The following TNNC1 variants were observed in gnomAD, a reference collection of about 807,000 sequenced individuals.
TNNC1 encodes the protein troponin C, slow skeletal and cardiac muscles.
Under a neutral mutation model 19.6 loss-of-function variants are expected in TNNC1, and 10 were observed. That is an observed-to-expected ratio of 0.51 (90% confidence interval 0.31 to 0.87). TNNC1 has a LOEUF of 0.87. TNNC1 is among the 40% of genes least tolerant of loss of function. TNNC1 has a pLI of 0.04. For missense variants in TNNC1, 115 were observed against 219.8 expected (o/e 0.52, Z 3.02); for synonymous variants, 85 against 80.1 (o/e 1.06, Z -0.33).
Position 52,452,412 on chromosome 3 carries a change from C to T in TNNC1, c.55+71G>A, listed in dbSNP as rs1159989284. 1.1e-5 allele frequency: 18 copies of T among 1,595,618 alleles called. No individual in the cohort carries two copies. Among genetic ancestry groups the T allele is most frequent in the Non-Finnish European group, 1.5e-5 (18 of 1,168,972 alleles). On this transcript the variant is annotated intron_variant, in intron 2 of 5. Transcript: ENST00000232975. This position sits in a 1 kb window ranked among gnomAD's most constrained non-coding sequence, Gnocchi z 5.2. Reference sequence around the variant, plus strand: ...AGCCTCTGGTCTCTGGCCTGGGGTCCTCTTCTGATAAGGGGTCCCCATGCC... The same window carrying T: ...AGCCTCTGGTCTCTGGCCTGGGGTCTTCTTCTGATAAGGGGTCCCCATGCC...
At position 52,452,621 on chromosome 3, in the gene TNNC1, T is replaced by A; in HGVS notation, c.25-108A>T. 8.1e-7 allele frequency: 1 copy of A among 1,236,058 alleles called. No homozygotes were observed. The highest frequency in any genetic ancestry group is 1.2e-6 in the Non-Finnish European group (1 of 857,284). The allele number at this position is 1,236,058 out of a possible 1,614,324, so 76.6% of individuals were successfully genotyped here. A position where few individuals can be genotyped will look rare whatever the true frequency, so the allele number is the denominator to read the frequency against. ...CTGGAGCTGGAGGAGGCAGGCTATT[T>A]CCAGGCCACAGAGTGGAGGTCTCAG... On this transcript the variant is annotated intron_variant, in intron 1 of 5. Coordinates refer to ENST00000232975, the MANE Select transcript of TNNC1 (RefSeq NM_003280.3). The surrounding 1 kb of genome is among the most constrained non-coding windows in gnomAD (Gnocchi z 5.2).
At position 52,451,506 on chromosome 3, in the gene TNNC1, G is replaced by T. The variant is rs1008677119; in HGVS notation, c.339C>A (p.Asp113Glu). The change falls in exon 5 of 6, where the codon GAC becomes GAA. Residue 113 changes from aspartate to glutamate, a missense_variant. Transcript: ENST00000232975. The surrounding 1 kb of genome is among the most constrained non-coding windows in gnomAD (Gnocchi z 4.8). ...MFDKNADGYI[D>E]LDELKIMLQA... ...GCAGCATTATCTTCAGCTCATCCAG[G>T]TCGATGTAGCCATCAGCATTTCTGT... 7.4e-6 allele frequency: 12 copies of T among 1,614,022 alleles called. No homozygotes were observed. The highest frequency in any genetic ancestry group is 9.3e-6 in the Non-Finnish European group (11 of 1,180,020).
Position 52,452,312 on chromosome 3 carries a change from CCA to C in TNNC1, c.56-62_56-61del. The C allele has an allele frequency of 6.2e-7, 1 of 1,602,578 alleles. No homozygotes were observed. Among genetic ancestry groups the C allele is most frequent in the Admixed American group, 1.7e-5 (1 of 59,988 alleles). On this transcript the variant is annotated intron_variant, in intron 2 of 5. Transcript: ENST00000232975. This position sits in a 1 kb window ranked among gnomAD's most constrained non-coding sequence, Gnocchi z 5.2. The stretch of plus-strand genomic sequence containing the variant: ...GCTCAGCAGCCAGGACCACGGAGGG[CCA>C]GAACCCTGGGGCCACCTGCCAACCT...
At position 52,451,496 on chromosome 3, in the gene TNNC1, G is replaced by A; in HGVS notation, c.349C>T (p.Leu117=). Residue 117 remains leucine (L), a synonymous_variant, in exon 5 of 6, where the codon CTG becomes TTG. Coordinates refer to ENST00000232975, the MANE Select transcript of TNNC1 (RefSeq NM_003280.3). The surrounding 1 kb of genome is among the most constrained non-coding windows in gnomAD (Gnocchi z 4.8). ...NADGYIDLDE[L]KIMLQATGET... is the part of the protein sequence containing the mutation. Reference sequence around the variant, plus strand: ...CCTGTAGCCTGCAGCATTATCTTCAGCTCATCCAGGTCGATGTAGCCATCA... The same window carrying A: ...CCTGTAGCCTGCAGCATTATCTTCAACTCATCCAGGTCGATGTAGCCATCA... The A allele has an allele frequency of 6.2e-7, 1 of 1,614,148 alleles. No individual in the cohort carries two copies. The highest frequency in any genetic ancestry group is 8.5e-7 in the Non-Finnish European group (1 of 1,180,014).
At position 52,451,287 on chromosome 3, in the gene TNNC1, C is replaced by T. The variant is rs770807038; in HGVS notation, c.474G>A (p.Lys158=). ...IDYDEFLEFM[K]GVE is the part of the protein sequence containing the mutation. The stretch of plus-strand genomic sequence containing the variant: ...TGAAGGTCAGCATCTACTCCACACC[C>T]TTCATGAACTCCAGGAACTCTGTGG... Residue 158 remains lysine, a synonymous_variant, in exon 6 of 6, where the codon AAG becomes AAA. Transcript: ENST00000232975. This position sits in a 1 kb window ranked among gnomAD's most constrained non-coding sequence, Gnocchi z 4.8. The T allele has an allele frequency of 2.7e-5, 43 of 1,613,992 alleles. No individual in the cohort carries two copies. Among genetic ancestry groups the T allele is most frequent in the Non-Finnish European group, 3.1e-5 (37 of 1,180,014 alleles).
rs760637468 is a variant in TNNC1 at position 52,451,267 on chromosome 3, G to A, written c.*8C>T. The A allele has an allele frequency of 9.3e-6, 15 of 1,613,964 alleles. No individual in the cohort carries two copies. Among genetic ancestry groups the A allele is most frequent in the Admixed American group, 5.0e-5 (3 of 59,998 alleles). ...TGGGCATAGGCAGCTCTGGGTGAAG[G>A]TCAGCATCTACTCCACACCCTTCAT... On this transcript the variant is annotated 3_prime_UTR_variant, in exon 6 of 6. Transcript: ENST00000232975. This position sits in a 1 kb window ranked among gnomAD's most constrained non-coding sequence, Gnocchi z 4.8.
At chr3:52,453,919 A>C in intron 1 of TNNC1, 73 bp downstream of exon 1, 7 of 1,533,390 alleles carry the variant, frequency 4.6e-6, no homozygotes, top group Non-Finnish European at 6.2e-6. Context: ...TGGGGCTACT[A>C]ACCCCGCACT....
Position 52,452,615 on chromosome 3 carries a change from G to A in TNNC1, c.25-102C>T. 2.3e-6 allele frequency: 3 copies of A among 1,285,284 alleles called. No homozygotes were observed. Among genetic ancestry groups the A allele is most frequent in the Non-Finnish European group, 2.2e-6 (2 of 901,062 alleles). 79.6% of individuals were successfully genotyped at this position (1,285,284 alleles called of 1,614,324 possible). On this transcript the variant is annotated intron_variant, in intron 1 of 5. Coordinates refer to ENST00000232975, the MANE Select transcript of TNNC1 (RefSeq NM_003280.3). This position sits in a 1 kb window ranked among gnomAD's most constrained non-coding sequence, Gnocchi z 5.2. ...AGAAGGCTGGAGCTGGAGGAGGCAG[G>A]CTATTTCCAGGCCACAGAGTGGAGG...
At chr3:52,453,645 C>G (rs1706361546) in intron 1 of TNNC1, among the ~76,000 whole-genome samples, 1 of 152,148 alleles carries the variant, frequency 6.6e-6, no homozygotes, top group Non-Finnish European at 1.5e-5. Flanking sequence ...GGGACTCAGA[C>G]AGCTCAGGAG....
Position 52,451,310 on chromosome 3 carries a change from T to C in TNNC1, c.455-4A>G. The C allele has an allele frequency of 1.9e-6, 3 of 1,613,794 alleles. No homozygotes were observed. Among genetic ancestry groups the C allele is most frequent in the East Asian group, 2.2e-5 (1 of 44,852 alleles). On this transcript the variant is annotated splice_polypyrimidine_tract_variant and splice_region_variant and intron_variant, in intron 5 of 5. Transcript: ENST00000232975. The surrounding 1 kb of genome is among the most constrained non-coding windows in gnomAD (Gnocchi z 4.8). The stretch of plus-strand genomic sequence containing the variant: ...CCCTTCATGAACTCCAGGAACTCTG[T>C]GGAAAGAGGGGCAGGTGTGGGTTGA...
rs397516845 is a variant in TNNC1 at position 52,451,458 on chromosome 3, C to G, written c.387G>C (p.Thr129=). Residue 129 remains threonine, a synonymous_variant, in exon 5 of 6, where the codon ACG becomes ACC. Transcript: ENST00000232975. The surrounding 1 kb of genome is among the most constrained non-coding windows in gnomAD (Gnocchi z 4.8). ...IMLQATGETI[T]EDDIEELMKD... The stretch of plus-strand genomic sequence containing the variant: ...TCATGAGCTCCTCGATGTCGTCCTC[C>G]GTGATGGTCTCGCCTGTAGCCTGCA... 9.2e-5 allele frequency: 148 copies of G among 1,614,152 alleles called. No individual in the cohort carries two copies. The South Asian group carries it at 1.6e-3, about 17-fold the overall frequency.
At position 52,452,963 on chromosome 3, in the gene TNNC1, T is replaced by G; in HGVS notation, c.25-450A>C. The G allele has an allele frequency of 4.1e-6, 1 of 246,714 alleles. No individual in the cohort carries two copies. Among genetic ancestry groups the G allele is most frequent in the Non-Finnish European group, 8.1e-6 (1 of 124,204 alleles). 15.3% of individuals were successfully genotyped at this position (246,714 alleles called of 1,614,324 possible). On this transcript the variant is annotated intron_variant, in intron 1 of 5. Coordinates refer to ENST00000232975, the MANE Select transcript of TNNC1 (RefSeq NM_003280.3). The surrounding 1 kb of genome is among the most constrained non-coding windows in gnomAD (Gnocchi z 5.2). Reference sequence around the variant, plus strand: ...AACCTGGTGATTGTTCTGGGGACTTTGGCATGCAGGGGGTGGGGCAGCGTT... The same window carrying G: ...AACCTGGTGATTGTTCTGGGGACTTGGGCATGCAGGGGGTGGGGCAGCGTT...
At position 52,452,870 on chromosome 3, in the gene TNNC1, C is replaced by T; in HGVS notation, c.25-357G>A. ...TGGGATAATAAAACCAGTGTGGAGG[C>T]AGGCAAGCCACCCACGGTAACCTGA... is the stretch of plus-strand genomic sequence containing the variant. On this transcript the variant is annotated intron_variant, in intron 1 of 5. Transcript: ENST00000232975. This position sits in a 1 kb window ranked among gnomAD's most constrained non-coding sequence, Gnocchi z 5.2. 1 of 395,142 alleles carries T rather than the reference C, an allele frequency of 2.5e-6. No individual in the cohort carries two copies. The highest frequency in any genetic ancestry group is 4.8e-6 in the Non-Finnish European group (1 of 209,720). 24.5% of individuals were successfully genotyped at this position (395,142 alleles called of 1,614,324 possible).
rs1559615617 is a variant in TNNC1 at position 52,451,365 on chromosome 3, G to A, written c.454+26C>T. ...AGGGGCTGGGCAGGGCATGGAGGCA[G>A]GAGATCAGCCCACCCACCCGCTTAC... On this transcript the variant is annotated intron_variant, in intron 5 of 5. Coordinates refer to ENST00000232975, the MANE Select transcript of TNNC1 (RefSeq NM_003280.3). This position sits in a 1 kb window ranked among gnomAD's most constrained non-coding sequence, Gnocchi z 4.8. 6.2e-7 allele frequency: 1 copy of A among 1,614,112 alleles called. No individual in the cohort carries two copies. Among genetic ancestry groups the A allele is most frequent in the South Asian group, 1.1e-5 (1 of 91,084 alleles).
Position 52,451,919 on chromosome 3 carries a change from G to A in TNNC1, c.203-61C>T, listed in dbSNP as rs993303302. ...GGTAGGTACTGCAGGCAGCACCTTC[G>A]ACACGAACCCCCATGTTCTCACCGC... On this transcript the variant is annotated intron_variant, in intron 3 of 5. Transcript: ENST00000232975. The surrounding 1 kb of genome is among the most constrained non-coding windows in gnomAD (Gnocchi z 4.8). The A allele has an allele frequency of 3.9e-5, 61 of 1,549,960 alleles. No individual in the cohort carries two copies. Among genetic ancestry groups the A allele is most frequent in the African/African-American group, 5.4e-5 (4 of 73,600 alleles).
chr3:52,451,367 A>G lies in TNNC1; in HGVS notation c.454+24T>C, dbSNP rs768178167. ...GGGCTGGGCAGGGCATGGAGGCAGGAGATCAGCCCACCCACCCGCTTACCA... is the reference window on the plus strand; with the variant it reads ...GGGCTGGGCAGGGCATGGAGGCAGGGGATCAGCCCACCCACCCGCTTACCA... On this transcript the variant is annotated intron_variant, in intron 5 of 5. Coordinates refer to ENST00000232975, the MANE Select transcript of TNNC1 (RefSeq NM_003280.3). The surrounding 1 kb of genome is among the most constrained non-coding windows in gnomAD (Gnocchi z 4.8). 2.3e-5 allele frequency: 37 copies of G among 1,613,922 alleles called. No homozygotes were observed. The highest frequency in any genetic ancestry group is 5.5e-5 in the South Asian group (5 of 91,082).
intron 1 of TNNC1, among the ~76,000 whole-genome samples, chr3:52,453,509 A>G (rs116209740): frequency 5.3e-4 from 81 of 151,878 alleles, no homozygotes; most frequent in Admixed American, 3.0e-3. Flanking sequence ...CCCTCCTCTC[A>G]CACCCTCCAC....
chr3:52,452,013 G>A lies in TNNC1; in HGVS notation c.202+93C>T, dbSNP rs966783693. ...TTTATAGATGAGGCAACCAAGGCTC[G>A]GATAGGCTAAATTGCTCCCAGCTAA... On this transcript the variant is annotated intron_variant, in intron 3 of 5. Coordinates refer to ENST00000232975, the MANE Select transcript of TNNC1 (RefSeq NM_003280.3). This position sits in a 1 kb window ranked among gnomAD's most constrained non-coding sequence, Gnocchi z 5.2. The A allele has an allele frequency of 9.4e-5, 151 of 1,599,282 alleles. No homozygotes were observed. The East Asian group carries it at 1.8e-3, about 19-fold the overall frequency.
chr3:52,452,012 C>A lies in TNNC1; in HGVS notation c.202+94G>T. On this transcript the variant is annotated intron_variant, in intron 3 of 5. Coordinates refer to ENST00000232975, the MANE Select transcript of TNNC1 (RefSeq NM_003280.3). This position sits in a 1 kb window ranked among gnomAD's most constrained non-coding sequence, Gnocchi z 5.2. ...TTTTATAGATGAGGCAACCAAGGCT[C>A]GGATAGGCTAAATTGCTCCCAGCTA... 1.3e-6 allele frequency: 2 copies of A among 1,599,214 alleles called. No homozygotes were observed. The highest frequency in any genetic ancestry group is 8.6e-7 in the Non-Finnish European group (1 of 1,168,780).
Sources: gnomAD v4.1 joint callset for allele counts (sites outside exome capture counted in the v4.1 genomes callset) on GRCh38, gnomAD v4.1.1 for gene constraint, Gnocchi (gnomAD v3.1) non-coding constraint, MANE v1.5 for transcripts, NCBI Gene and HGNC (gene_info 2026-07-23, HGNC 2026-07-21) for gene names.